The following SLC7A14 variants were observed in gnomAD, a reference collection of about 807,000 sequenced individuals.
SLC7A14 encodes the protein gamma-aminobutyric acid transporter SLC7A14.
Under a neutral mutation model 60.2 loss-of-function variants are expected in SLC7A14, and 37 were observed. The ratio of observed to expected loss-of-function variants is 0.61; its 90% CI spans 0.47 to 0.81. The LOEUF is 0.81. SLC7A14 is among the 30% of genes least tolerant of loss of function. The pLI is 0.00. For missense variants in SLC7A14, 886 were observed against 982.7 expected (o/e 0.90, Z 1.32); for synonymous variants, 399 against 395.8 (o/e 1.01, Z -0.10).
chr3:170,491,136 A>G lies in SLC7A14; in HGVS notation c.760-4768T>C, dbSNP rs139416736. Among the ~76,000 whole-genome samples, 32 of 152,352 alleles carry G rather than the reference A, an allele frequency of 2.1e-4. 1 individual carries two copies. The East Asian group carries it at 6.0e-3, about 28-fold the overall frequency. On this transcript the variant is annotated intron_variant, in intron 4 of 7. Transcript: ENST00000231706. ...GCTTGATTTTACAGAGATTGAGTCT[A>G]GAGGATACTGTAAGATCCGAAATGC...
chr3:170,496,560 C>A, intron 4 of SLC7A14: 5 of 1,598,594 alleles, frequency 3.1e-6, no homozygotes, highest in Non-Finnish European at 4.3e-6. Context: ...GTACCAGGAG[C>A]TGATGAACGT....
chr3:170,515,303 ACT>A lies in SLC7A14; in HGVS notation c.304+11328_304+11329del, dbSNP rs1713115531. ...ACTCCATCCTGGGCGACAGAGTGAG[ACT>A]CTGTCCGCCCCCCCCAAAAAAAAAA... On this transcript the variant is annotated intron_variant, in intron 2 of 7. Coordinates refer to ENST00000231706, the MANE Select transcript of SLC7A14 (RefSeq NM_020949.3). Among the ~76,000 whole-genome samples, 3 of 130,092 alleles carry A rather than the reference ACT, an allele frequency of 2.3e-5. No individual in the cohort carries two copies. In the South Asian group the frequency reaches 8.0e-4, roughly 35 times the overall value. The allele number at this position is 130,092 out of a possible 152,430, so 85.3% of individuals were successfully genotyped here.
At chr3:170,534,353 A>T (rs1163100355) in intron 1 of SLC7A14, among the ~76,000 whole-genome samples, 4 of 152,194 alleles carry the variant, frequency 2.6e-5, no homozygotes, top group Non-Finnish European at 4.4e-5. Flanking sequence ...GGGAACTGGC[A>T]GTTCCACTGA....
At chr3:170,493,870 G>C (rs1560257019) in intron 4 of SLC7A14, among the ~76,000 whole-genome samples, 1 of 152,190 alleles carries the variant, frequency 6.6e-6, no homozygotes, top group African/African-American at 2.4e-5. Context: ...ACACTGGGCT[G>C]TCCTTTGTTC....
intron 2 of SLC7A14, among the ~76,000 whole-genome samples, chr3:170,507,403 T>G (rs1435506464): frequency 2.0e-5 from 3 of 152,330 alleles, no homozygotes; most frequent in Non-Finnish European, 2.9e-5. Flanking sequence ...TATGAGGTGT[T>G]CTTGGAGCTC....
intron 1 of SLC7A14, among the ~76,000 whole-genome samples, chr3:170,536,505 G>A (rs1713847212): frequency 6.6e-6 from 1 of 152,148 alleles, no homozygotes; most frequent in Non-Finnish European, 1.5e-5. Flanking sequence ...AAAGTTATTG[G>A]GAAGTCTGAT....
chr3:170,514,599 G>C (rs1034405874), intron 2 of SLC7A14, among the ~76,000 whole-genome samples: 9 of 152,222 alleles, frequency 5.9e-5, no homozygotes, highest in African/African-American at 1.9e-4. Flanking sequence ...GTTAAAGGAG[G>C]CTGTTCCTGT....
chr3:170,469,338 A>T (rs528149651), intron 7 of SLC7A14, among the ~76,000 whole-genome samples: 1 of 151,534 alleles, frequency 6.6e-6, no homozygotes, highest in East Asian at 1.9e-4. Context: ...TCCCTCCCAC[A>T]CTCCCCAGTG....
chr3:170,506,646 G>A (rs960639246), intron 2 of SLC7A14, among the ~76,000 whole-genome samples: 1 of 152,206 alleles, frequency 6.6e-6, no homozygotes, highest in African/African-American at 2.4e-5. Flanking sequence ...CAGCCTACAT[G>A]CAATGTTGAC....
chr3:170,537,418 C>T (rs1288746455), intron 1 of SLC7A14, among the ~76,000 whole-genome samples: 2 of 152,168 alleles, frequency 1.3e-5, no homozygotes, highest in Non-Finnish European at 2.9e-5. Context: ...ACTTAATCAC[C>T]TCTGCAGAGT....
intron 2 of SLC7A14, among the ~76,000 whole-genome samples, chr3:170,525,579 CTT>C (rs1032398699): frequency 6.6e-6 from 1 of 151,980 alleles, no homozygotes; most frequent in Non-Finnish European, 1.5e-5. Context: ...GATTTACTGA[CTT>C]GTCATTTTGC....
intron 1 of SLC7A14, among the ~76,000 whole-genome samples, chr3:170,553,257 G>A (rs924288082): frequency 6.6e-6 from 1 of 152,168 alleles, no homozygotes; most frequent in Non-Finnish European, 1.5e-5. Context: ...AATTTTGGTC[G>A]AAAGAGTGAA....
Position 170,483,506 on chromosome 3 carries a change from G to A in SLC7A14, c.923C>T (p.Thr308Ile). The change falls in exon 6 of 8, where the codon ACT (threonine) becomes ATT (isoleucine). Residue 308 changes from threonine (T) to isoleucine (I), a missense_variant. By Grantham distance (89) the Thr-to-Ile change is moderately conservative (BLOSUM62 -1). Transcript: ENST00000231706. ...AATGGTATAATATGGCACCATCAGA[G>A]TTAAGATCACGCTCACCTGTTAAAA... Reference protein sequence around the residue: ...TAYVSVSVILTLMVPYYTIDT... With the variant: ...TAYVSVSVILILMVPYYTIDT... 1 of 1,614,192 alleles carries A rather than the reference G, an allele frequency of 6.2e-7. No homozygotes were observed. The highest frequency in any genetic ancestry group is 8.5e-7 in the Non-Finnish European group (1 of 1,180,044).
At chr3:170,468,802 A>G (rs1355904858) in intron 7 of SLC7A14, among the ~76,000 whole-genome samples, 2 of 152,238 alleles carry the variant, frequency 1.3e-5, no homozygotes, top group African/African-American at 2.4e-5. Context: ...GATGAGAGCT[A>G]TAGCAACCCT....
At chr3:170,484,875 C>A (rs946270283) in intron 5 of SLC7A14, among the ~76,000 whole-genome samples, 46 of 152,106 alleles carry the variant, frequency 3.0e-4, no homozygotes, top group Non-Finnish European at 5.9e-5. Flanking sequence ...TGGGATTGAG[C>A]CTCCTCCAGC....
intron 1 of SLC7A14, among the ~76,000 whole-genome samples, chr3:170,560,078 T>C (rs1714603123): frequency 6.6e-6 from 1 of 152,246 alleles, no homozygotes; most frequent in Non-Finnish European, 1.5e-5. Flanking sequence ...AATCAGACCT[T>C]ACATTAGCTA....
intron 4 of SLC7A14, chr3:170,495,842 C>T: frequency 8.7e-7 from 1 of 1,150,592 alleles, no homozygotes; most frequent in East Asian, 2.3e-5. Flanking sequence ...TGGCTCGGAT[C>T]AACGTATTTG....
chr3:170,501,445 C>A, intron 2 of SLC7A14, 100 bp from the exon 3 acceptor site: 2 of 962,268 alleles, frequency 2.1e-6, no homozygotes, highest in African/African-American at 3.2e-5. Flanking sequence ...TTTCTAGGAT[C>A]TCAGAACAAA....
At chr3:170,484,674 G>T (rs13082527) in intron 5 of SLC7A14, among the ~76,000 whole-genome samples, 2 of 152,068 alleles carry the variant, frequency 1.3e-5, no homozygotes, top group Non-Finnish European at 2.9e-5. Flanking sequence ...AAGGAGGACA[G>T]GATGTCCTAG....
Sources: allele counts gnomAD v4.1 joint callset (sites outside exome capture counted in the v4.1 genomes callset), GRCh38; gene constraint gnomAD v4.1.1; transcripts MANE v1.5; gene names NCBI Gene and HGNC (gene_info 2026-07-23, HGNC 2026-07-21).